The following SEMA5A variants were observed in gnomAD, a reference collection of about 807,000 sequenced individuals.
SEMA5A encodes semaphorin-5A.
Under a neutral mutation model 135.5 loss-of-function variants are expected in SEMA5A, and 55 were observed. That is an observed-to-expected ratio of 0.41 (90% CI 0.33 to 0.51). The LOEUF (loss-of-function observed/expected upper bound fraction) is 0.51. Ranked by LOEUF, SEMA5A falls within the 20% of genes least tolerant of loss-of-function variation. The probability of loss-of-function intolerance (pLI) is 0.37; values close to 1 mark genes in which losing one functional copy is unlikely to be tolerated. For missense variants in SEMA5A, 1,290 were observed against 1,419.9 expected, an observed-to-expected ratio of 0.91 and a Z score of 1.47; for synonymous variants, 580 against 546.5, an observed-to-expected ratio of 1.06 and a Z score of -0.85.
At chr5:9,437,186 C>T (rs1403374991) in intron 2 of SEMA5A, among the ~76,000 whole-genome samples, 2 of 152,178 alleles carry the variant, frequency 1.3e-5, no homozygotes, top group Admixed American at 6.5e-5. Flanking sequence ...ACCAGGTAGG[C>T]AGTCACACTG....
intron 5 of SEMA5A, among the ~76,000 whole-genome samples, chr5:9,316,363 A>G (rs771051929): frequency 7.2e-5 from 11 of 152,230 alleles, no homozygotes; most frequent in Non-Finnish European, 1.5e-4. Context: ...GTTTAGAAAC[A>G]AAGTAACATG....
intron 8 of SEMA5A, among the ~76,000 whole-genome samples, chr5:9,220,097 T>C (rs749061533): frequency 3.9e-5 from 6 of 152,186 alleles, no homozygotes; most frequent in Non-Finnish European, 7.3e-5. Flanking sequence ...AGGGGAGTAA[T>C]TCAAGAATGG....
intron 1 of SEMA5A, among the ~76,000 whole-genome samples, chr5:9,457,417 G>A (rs1227782643): frequency 6.6e-6 from 1 of 152,164 alleles, no homozygotes; most frequent in Non-Finnish European, 1.5e-5. Context: ...CAACCAGGTT[G>A]CAAGTAAATG....
intron 8 of SEMA5A, among the ~76,000 whole-genome samples, chr5:9,221,771 A>G (rs188749605): frequency 1.8e-4 from 27 of 152,338 alleles, no homozygotes; most frequent in Admixed American, 1.8e-3. Flanking sequence ...AGAAGAGGTA[A>G]GTTTGAGGGC....
At chr5:9,125,305 C>T (rs1424918495) in intron 13 of SEMA5A, among the ~76,000 whole-genome samples, 2 of 152,176 alleles carry the variant, frequency 1.3e-5, no homozygotes, top group African/African-American at 4.8e-5. Context: ...AATGGAGCTG[C>T]ACCATCTGTT....
rs868375708 is a variant in SEMA5A, at chr5:9,540,058, T to A, written c.-175+5526A>T. Among the ~76,000 whole-genome samples the A allele has an allele frequency of 2.0e-5, 3 of 152,206 alleles. No individual in the cohort carries two copies. In the South Asian group the frequency reaches 6.2e-4, roughly 32 times the overall value. ...CCCAAAAGTCTTGCTTAAGCCTTAG[T>A]CCTTTCTCTCAGTATACTCTATTGC... On this transcript the variant is annotated intron_variant, in intron 1 of 22. Transcript: ENST00000382496.
chr5:9,312,344 CA>C (rs11311020), intron 5 of SEMA5A, among the ~76,000 whole-genome samples: 22,660 of 88,574 alleles, frequency 0.26, 1,463 homozygotes, highest in South Asian at 0.31. Context: ...CAGTGAGTTG[CA>C]AAAAAAAAAA....
chr5:9,197,743 TG>T (rs1745482767), intron 9 of SEMA5A, among the ~76,000 whole-genome samples: 4 of 114,746 alleles, frequency 3.5e-5, no homozygotes, highest in African/African-American at 9.4e-5. Context: ...TGTGTGTGTG[TG>T]TGTGTGTGTG....
chr5:9,391,879 C>T (rs528034162), intron 2 of SEMA5A, among the ~76,000 whole-genome samples: 2 of 152,280 alleles, frequency 1.3e-5, no homozygotes, highest in East Asian at 3.9e-4. Context: ...ATGCAAGATC[C>T]TGACCCCACC....
intron 2 of SEMA5A, among the ~76,000 whole-genome samples, chr5:9,429,859 C>A (rs937650894): frequency 1.3e-5 from 2 of 152,120 alleles, no homozygotes; most frequent in Admixed American, 1.3e-4. Context: ...TGGTGCCTGG[C>A]GCACCAAGGG....
chr5:9,079,778 C>T (rs1738269552), intron 16 of SEMA5A, among the ~76,000 whole-genome samples: 1 of 152,004 alleles, frequency 6.6e-6, no homozygotes, highest in Admixed American at 6.6e-5. Context: ...TTTATGCAGG[C>T]AACAAACATA....
intron 2 of SEMA5A, among the ~76,000 whole-genome samples, chr5:9,385,379 C>G (rs1214612157): frequency 1.3e-5 from 2 of 152,138 alleles, no homozygotes; most frequent in African/African-American, 2.4e-5. Flanking sequence ...GCTTAGGGAA[C>G]AGTGTCTAAC....
chr5:9,213,292 A>G (rs1019259414), intron 8 of SEMA5A, among the ~76,000 whole-genome samples: 1 of 152,234 alleles, frequency 6.6e-6, no homozygotes, highest in Non-Finnish European at 1.5e-5. Context: ...GCTTACTTTA[A>G]TGCCAGCACT....
chr5:9,394,279 A>G (rs1182550847), intron 2 of SEMA5A, among the ~76,000 whole-genome samples: 1 of 152,022 alleles, frequency 6.6e-6, no homozygotes, highest in African/African-American at 2.4e-5. Flanking sequence ...AACCTTATCC[A>G]TTCTCTGAGG....
intron 5 of SEMA5A, among the ~76,000 whole-genome samples, chr5:9,311,368 G>T (rs550910579): frequency 4.6e-5 from 7 of 152,134 alleles, no homozygotes; most frequent in African/African-American, 1.7e-4. Context: ...ATACAGGAAA[G>T]AAGTTAATAA....
chr5:9,367,536 T>A (rs1334080145), intron 3 of SEMA5A: 1 of 152,180 alleles, frequency 6.6e-6, no homozygotes, highest in Non-Finnish European at 1.5e-5. Context: ...AATCTGAAAA[T>A]CAACAATTCT....
rs1044264159 is a variant in SEMA5A at position 9,392,870 on chromosome 5, A to G, written c.-77-12847T>C. 2.6e-5 allele frequency among the ~76,000 whole-genome samples: 4 copies of G among 152,314 alleles called. No individual in the cohort carries two copies. In the South Asian group the frequency reaches 8.3e-4, roughly 32 times the overall value. ...ACTAAATAAAGGCAATGAATCATCC[A>G]CTTTATTTTAGCCATTGAGCAGTGC... On this transcript the variant is annotated intron_variant, in intron 2 of 22. Transcript: ENST00000382496.
intron 1 of SEMA5A, among the ~76,000 whole-genome samples, chr5:9,490,108 T>A (rs960627297): frequency 2.6e-5 from 4 of 152,134 alleles, no homozygotes; most frequent in African/African-American, 9.7e-5. Context: ...ATACATAAAA[T>A]GTCTGAGCAA....
At chr5:9,529,561 G>C (rs1459220054) in intron 1 of SEMA5A, among the ~76,000 whole-genome samples, 1 of 152,172 alleles carries the variant, frequency 6.6e-6, no homozygotes, top group Non-Finnish European at 1.5e-5. Context: ...CATATTCCAG[G>C]AATATTTCAG....
Sources: allele counts gnomAD v4.1 joint callset (sites outside exome capture counted in the v4.1 genomes callset), GRCh38; gene constraint gnomAD v4.1.1; transcripts MANE v1.5; gene names NCBI Gene and HGNC (gene_info 2026-07-23, HGNC 2026-07-21).